The following ZBTB8OS variants were observed in gnomAD, a reference collection of about 807,000 sequenced individuals.
The protein encoded by ZBTB8OS is tRNA-splicing ligase-activating factor archease.
A neutral mutation model predicts 29.3 loss-of-function variants in ZBTB8OS; 16 were observed. The observed-to-expected ratio is 0.55, with a 90% CI of 0.37 to 0.83. The LOEUF (loss-of-function observed/expected upper bound fraction) is 0.83. Ranked by LOEUF, ZBTB8OS falls within the 40% of genes least tolerant of loss-of-function variation. ZBTB8OS has a pLI of 0.00. For synonymous variants in ZBTB8OS, 70 were observed against 64.6 expected (o/e 1.08, Z -0.40); for missense variants, 160 against 196.9 (o/e 0.81, Z 1.12).
chr1:32,636,660 A>G (rs1645985170), intron 1 of ZBTB8OS, among the ~76,000 whole-genome samples: 2 of 150,984 alleles, frequency 1.3e-5, no homozygotes, highest in Non-Finnish European at 2.9e-5. Flanking sequence ...ACTGCATTCC[A>G]GCCTGGGCAA....
Position 32,633,841 on chromosome 1 carries a change from T to A in ZBTB8OS, c.244+110A>T, listed in dbSNP as rs779464696. The A allele has an allele frequency of 4.1e-6, 6 of 1,469,122 alleles. No homozygotes were observed. In the East Asian group the frequency reaches 1.4e-4, roughly 34 times the overall value. The allele number at this position is 1,469,122 out of a possible 1,614,324, so 91.0% of individuals were successfully genotyped here. A position where few individuals can be genotyped will look rare whatever the true frequency, so the allele number is the denominator to read the frequency against. ...AGTTTAAAGAGAAAGAAAAGACTCA[T>A]CCTTAATTTTCTGGTTCTTTTTGTG... On this transcript the variant is annotated intron_variant, in intron 3 of 6. Coordinates refer to ENST00000468695, the MANE Select transcript of ZBTB8OS (RefSeq NM_178547.5).
intron 1 of ZBTB8OS, among the ~76,000 whole-genome samples, chr1:32,635,014 G>A (rs1169286789): frequency 2.7e-5 from 4 of 150,762 alleles, no homozygotes; most frequent in Admixed American, 2.6e-4. Flanking sequence ...AGCCAAGATC[G>A]CGCCACTGCA....
chr1:32,628,420 T>C (rs1033465355), intron 5 of ZBTB8OS, among the ~76,000 whole-genome samples: 3 of 150,900 alleles, frequency 2.0e-5, no homozygotes, highest in Non-Finnish European at 4.4e-5. Context: ...GCGGATCACC[T>C]GAGGTCAGGA....
chr1:32,634,312 T>C (rs915101816), intron 2 of ZBTB8OS: 28 of 323,194 alleles, frequency 8.7e-5, no homozygotes, highest in Middle Eastern at 8.5e-4. Flanking sequence ...CTGCAACCTC[T>C]GCCTCCTGGG....
At chr1:32,623,797 ATC>A (rs1644907924) in intron 6 of ZBTB8OS, among the ~76,000 whole-genome samples, 1 of 152,004 alleles carries the variant, frequency 6.6e-6, no homozygotes, top group Non-Finnish European at 1.5e-5. Flanking sequence ...CTCACTCCTC[ATC>A]TCTCTTGCCT....
intron 1 of ZBTB8OS, among the ~76,000 whole-genome samples, chr1:32,640,395 C>T (rs1160251351): frequency 6.6e-6 from 1 of 152,040 alleles, no homozygotes; most frequent in Non-Finnish European, 1.5e-5. Context: ...AGCCACCGCA[C>T]CGGCCAAAAC....
intron 6 of ZBTB8OS, 141 bp from the exon 7 acceptor site, chr1:32,622,089 T>C: frequency 1.7e-6 from 1 of 605,980 alleles, no homozygotes; most frequent in South Asian, 2.3e-5. Context: ...CAATTAGTTA[T>C]CAAATTAGGA....
At chr1:32,639,403 C>G (rs1329340446) in intron 1 of ZBTB8OS, among the ~76,000 whole-genome samples, 1 of 151,954 alleles carries the variant, frequency 6.6e-6, no homozygotes, top group East Asian at 1.9e-4. Flanking sequence ...TCCTAGTATT[C>G]CTGGGCTCAA....
chr1:32,628,714 G>T (rs1168942114), intron 5 of ZBTB8OS, among the ~76,000 whole-genome samples: 3 of 150,918 alleles, frequency 2.0e-5, no homozygotes, highest in Non-Finnish European at 4.4e-5. Flanking sequence ...GGAGGCAGAG[G>T]TAGATGAATC....
At chr1:32,624,024 C>A (rs931602830) in intron 6 of ZBTB8OS, among the ~76,000 whole-genome samples, 1 of 152,094 alleles carries the variant, frequency 6.6e-6, no homozygotes, top group Non-Finnish European at 1.5e-5. Context: ...GGGGCTTCCC[C>A]CTTCGCTCAG....
chr1:32,649,989 A>G (rs987715840), intron 1 of ZBTB8OS, among the ~76,000 whole-genome samples: 3 of 152,058 alleles, frequency 2.0e-5, no homozygotes, highest in Admixed American at 2.0e-4. Context: ...TAAAAATCAC[A>G]ATCATAAATG....
At chr1:32,642,972 T>C (rs1315620928) in intron 1 of ZBTB8OS, among the ~76,000 whole-genome samples, 7 of 143,398 alleles carry the variant, frequency 4.9e-5, no homozygotes, top group East Asian at 4.3e-4. Context: ...AGTTTCACCA[T>C]GTTGGCCAGG....
At position 32,625,534 on chromosome 1, in the gene ZBTB8OS, AAAAAC is replaced by A. The variant is rs146908676; in HGVS notation, c.417+1969_417+1973del. Among the ~76,000 whole-genome samples the A allele has an allele frequency of 3.2e-3, 488 of 151,212 alleles. 4 individuals are homozygous for A. The highest frequency in any genetic ancestry group is 0.013 in the Admixed American group (204 of 15,146). Reference sequence around the variant, plus strand: ...GGGCAATAGCATGAGACTCCGTCTCAAAAACAAAACAAAACAAAACAAAACAAAAC... The same window carrying A: ...GGGCAATAGCATGAGACTCCGTCTCAAAAACAAAACAAAACAAAACAAAAC... On this transcript the variant is annotated intron_variant, in intron 6 of 6. Transcript: ENST00000468695.
intron 1 of ZBTB8OS, among the ~76,000 whole-genome samples, chr1:32,644,137 T>TA (rs1178683058): frequency 1.3e-5 from 2 of 152,136 alleles, no homozygotes; most frequent in Non-Finnish European, 2.9e-5. Context: ...TACAGGAAAG[T>TA]AAACAGTTCC....
chr1:32,635,262 T>C (rs186970985), intron 1 of ZBTB8OS, among the ~76,000 whole-genome samples: 2 of 150,758 alleles, frequency 1.3e-5, no homozygotes, highest in East Asian at 2.0e-4. Flanking sequence ...ACATTCTTCA[T>C]CCATATCATG....
At chr1:32,635,686 A>C (rs1645899189) in intron 1 of ZBTB8OS, among the ~76,000 whole-genome samples, 1 of 152,180 alleles carries the variant, frequency 6.6e-6, no homozygotes, top group South Asian at 2.1e-4. Flanking sequence ...TGCCTTTGCA[A>C]AATTATAACT....
At position 32,634,023 on chromosome 1, in the gene ZBTB8OS, T is replaced by C. The variant is rs1645765716; in HGVS notation, c.172A>G (p.Met58Val). 3 of 1,602,552 alleles carry C rather than the reference T, an allele frequency of 1.9e-6. No homozygotes were observed. The highest frequency in any genetic ancestry group is 2.5e-6 in the Non-Finnish European group (3 of 1,177,532). The change falls in exon 3 of 7, where the codon ATG becomes GTG. Residue 58 changes from methionine to valine, a missense_variant. By Grantham distance (21) the Met-to-Val change is conservative (BLOSUM62 1). Transcript: ENST00000468695. ...TLEEAFEQCA[M>V]AMFGYMTDTG... ...TCTGTCATGTAACCAAACATGGCCA[T>C]TGCACATTGCTCAAATGCTTCCTCC...
At chr1:32,634,691 G>C (rs1645820141) in intron 2 of ZBTB8OS, 77 bp downstream of exon 2, 2 of 1,590,626 alleles carry the variant, frequency 1.3e-6, no homozygotes, top group Admixed American at 1.7e-5. Context: ...AAAAATTAAA[G>C]ATAGGGATAC....
intron 1 of ZBTB8OS, among the ~76,000 whole-genome samples, chr1:32,635,767 T>C (rs946957135): frequency 3.3e-5 from 5 of 152,176 alleles, no homozygotes; most frequent in African/African-American, 1.2e-4. Context: ...TAAATTGTCC[T>C]TGTTCATTTC....
Sources: gnomAD v4.1 joint callset for allele counts (sites outside exome capture counted in the v4.1 genomes callset) on GRCh38, gnomAD v4.1.1 for gene constraint, MANE v1.5 for transcripts, NCBI Gene and HGNC (gene_info 2026-07-23, HGNC 2026-07-21) for gene names.